MYO1A: variants seen among roughly 807,000 people sequenced by gnomAD.
MYO1A encodes unconventional myosin-Ia.
A neutral mutation model predicts 138.5 loss-of-function variants in MYO1A; 127 were observed. The observed-to-expected ratio is 0.92, with a 90% CI of 0.79 to 1.06. The LOEUF is 1.06. Ranked by LOEUF, MYO1A falls within the 50% of genes least tolerant of loss-of-function variation. The pLI is 0.00. For synonymous variants in MYO1A, 477 were observed against 497.5 expected, an observed-to-expected ratio of 0.96 and a Z score of 0.55; for missense variants, 1,211 against 1,288.8, an observed-to-expected ratio of 0.94 and a Z score of 0.92.
intron 22 of MYO1A, among the ~76,000 whole-genome samples, chr12:57,034,837 C>T (rs1369952806): frequency 2.0e-5 from 3 of 152,002 alleles, no homozygotes; most frequent in African/African-American, 4.8e-5. Context: ...GGCATGGTGG[C>T]GCATGCCTGT....
chr12:57,033,951 T>A (rs1295263205), intron 22 of MYO1A, among the ~76,000 whole-genome samples: 1 of 152,210 alleles, frequency 6.6e-6, no homozygotes, highest in Non-Finnish European at 1.5e-5. Context: ...GAGTCCCCAG[T>A]CCCTAGTCTG....
At position 57,037,882 on chromosome 12, in the gene MYO1A, T is replaced by C; in HGVS notation, c.1948A>G (p.Asn650Asp). Residue 650 changes from asparagine (N) to aspartate (D), a missense_variant, in exon 18 of 28, where the codon AAT becomes GAT. Asn to Asp is a conservative substitution (Grantham distance 23, BLOSUM62 1). Coordinates refer to ENST00000300119, the MANE Select transcript of MYO1A (RefSeq NM_005379.4). ...LLSRSTWPHW[N>D]GGDREGVEKV... The stretch of plus-strand genomic sequence containing the variant: ...ATGGGGTCTTACCGGTCTCCCCCAT[T>C]CCAGTGAGGCCAGGTGCTCCGGCTC... 1 of 1,614,102 alleles carries C rather than the reference T, an allele frequency of 6.2e-7. No individual in the cohort carries two copies. Among genetic ancestry groups the C allele is most frequent in the Non-Finnish European group, 8.5e-7 (1 of 1,180,018 alleles).
rs147849120 is a variant in MYO1A, at chr12:57,029,183, C to T, written c.2954G>A (p.Arg985Gln). Residue 985 changes from arginine (R) to glutamine (Q), a missense_variant, in exon 27 of 28, where the codon CGG becomes CAG. Physicochemically the swap from Arg to Gln is conservative, Grantham distance 43. Transcript: ENST00000300119. ...HVIELLTKMY[R>Q]AVLDATQRQL... ...CCTCTGCGTGGCATCCAGCACAGCC[C>T]GGTACATTTTGGTCAGCAGTTCAAT... 70 of 1,614,166 alleles carry T rather than the reference C, an allele frequency of 4.3e-5. 1 individual carries two copies. The Admixed American group carries it at 7.2e-4, about 17-fold the overall frequency.
intron 14 of MYO1A, 152 bp downstream of exon 14, chr12:57,041,032 T>A (rs1221888902): frequency 5.9e-6 from 4 of 677,194 alleles, no homozygotes; most frequent in Non-Finnish European, 1.1e-5. Flanking sequence ...TACTTGGTAA[T>A]GCTGGAATGA....
rs774740921 is a variant in MYO1A, at chr12:57,048,313, A to C, written c.11T>G (p.Leu4Arg). ...ATCCTCCACCCCCACAGAACCTTCC[A>C]GGAGAGGCATGTCCAGAGGGGCCAC... MPL[L>R]EGSVGVEDLV... The change falls in exon 2 of 28, where the codon CTG becomes CGG. Residue 4 changes from leucine (L) to arginine (R), a missense_variant. Coordinates refer to ENST00000300119, the MANE Select transcript of MYO1A (RefSeq NM_005379.4). 1.9e-6 allele frequency: 3 copies of C among 1,613,766 alleles called. No homozygotes were observed. The highest frequency in any genetic ancestry group is 2.7e-5 in the African/African-American group (2 of 75,062).
rs2136445300 is a variant in MYO1A at position 57,038,165 on chromosome 12, C to T, written c.1761-96G>A. On this transcript the variant is annotated intron_variant, in intron 17 of 27. Coordinates refer to ENST00000300119, the MANE Select transcript of MYO1A (RefSeq NM_005379.4). ...CCTATGCTGCACACGGTGCACTTCA[C>T]TGAAAAGTTTCAAAGAAAGTAGACA... 2 of 1,453,866 alleles carry T rather than the reference C, an allele frequency of 1.4e-6. 1 individual carries two copies. The highest frequency in any genetic ancestry group is 3.4e-5 in the Admixed American group (2 of 58,608). The allele number at this position is 1,453,866 out of a possible 1,614,324, so 90.1% of individuals were successfully genotyped here. A position where few individuals can be genotyped will look rare whatever the true frequency, so the allele number is the denominator to read the frequency against.
chr12:57,038,112 T>A, intron 17 of MYO1A, 43 bp from the exon 18 acceptor site: 1 of 1,599,688 alleles, frequency 6.3e-7, no homozygotes, highest in Non-Finnish European at 8.6e-7. Flanking sequence ...GGAGCTGACA[T>A]CATTGCCAGT....
chr12:57,044,032 G>A, intron 9 of MYO1A, 29 bp from the exon 10 acceptor site: 2 of 1,614,136 alleles, frequency 1.2e-6, no homozygotes, highest in Non-Finnish European at 1.7e-6. Context: ...ATCAAAAGCT[G>A]AACTGTTGGT....
At chr12:57,040,663 G>A (rs1443341965) in intron 14 of MYO1A, among the ~76,000 whole-genome samples, 1 of 152,188 alleles carries the variant, frequency 6.6e-6, no homozygotes, top group East Asian at 1.9e-4. Flanking sequence ...TTTGATGAGT[G>A]AGACTCTCAG....
chr12:57,029,074 G>T, intron 27 of MYO1A, 58 bp downstream of exon 27: 2 of 1,613,590 alleles, frequency 1.2e-6, no homozygotes, highest in South Asian at 2.2e-5. Flanking sequence ...TGGTCACGAT[G>T]ACCATCAGCC....
At chr12:57,036,587 C>T (rs1475379575) in intron 21 of MYO1A, among the ~76,000 whole-genome samples, 185 bp downstream of exon 21, 1 of 152,130 alleles carries the variant, frequency 6.6e-6, no homozygotes, top group Admixed American at 6.5e-5. Context: ...ATCTACCCAC[C>T]CAGACACCTC....
Position 57,044,571 on chromosome 12 carries a change from T to C in MYO1A, c.641-362A>G, listed in dbSNP as rs113438217. 7.0e-3 allele frequency among the ~76,000 whole-genome samples: 1,073 copies of C among 152,248 alleles called. 13 individuals carry two copies. The highest frequency in any genetic ancestry group is 0.024 in the African/African-American group (996 of 41,540). Reference sequence around the variant, plus strand: ...GCCTGGCTAATTTTGGTATTTTTAGTAGAGATGGGGTTTCTCTATGTTGGC... The same window carrying C: ...GCCTGGCTAATTTTGGTATTTTTAGCAGAGATGGGGTTTCTCTATGTTGGC... On this transcript the variant is annotated intron_variant, in intron 8 of 27. Coordinates refer to ENST00000300119, the MANE Select transcript of MYO1A (RefSeq NM_005379.4).
intron 19 of MYO1A, 91 bp from the exon 20 acceptor site, chr12:57,037,182 C>A (rs1159480398): frequency 1.0e-5 from 15 of 1,489,714 alleles, no homozygotes; most frequent in South Asian, 1.2e-5. Context: ...GGCTTCCCAG[C>A]CAGGCCTTAT....
chr12:57,033,071 T>C (rs1231990482), intron 22 of MYO1A, among the ~76,000 whole-genome samples: 1 of 152,104 alleles, frequency 6.6e-6, no homozygotes, highest in East Asian at 1.9e-4. Flanking sequence ...CATCCTAAAG[T>C]AGGTTATAGA....
chr12:57,046,406 T>C, intron 8 of MYO1A, 146 bp downstream of exon 8: 1 of 716,936 alleles, frequency 1.4e-6, no homozygotes, highest in South Asian at 1.5e-5. Flanking sequence ...AGGCTGAGAA[T>C]GGGAAATGCA....
chr12:57,031,158 A>G lies in MYO1A; in HGVS notation c.2366T>C (p.Leu789Pro), dbSNP rs539235938. 2.5e-6 allele frequency: 4 copies of G among 1,614,176 alleles called. No homozygotes were observed. The highest frequency in any genetic ancestry group is 1.7e-5 in the Admixed American group (1 of 60,020). The change falls in exon 23 of 28, where the codon CTG becomes CCG. Residue 789 changes from leucine to proline, a missense_variant. Coordinates refer to ENST00000300119, the MANE Select transcript of MYO1A (RefSeq NM_005379.4). ...GGATGGCAAATTGTTCTTCAGCCCCAGTAGGAATTTCTGTACCTAGTTTGG... is the reference window on the plus strand; with the variant it reads ...GGATGGCAAATTGTTCTTCAGCCCCGGTAGGAATTTCTGTACCTAGTTTGG... ...IYKSMVQKFL[L>P]GLKNNLPSTN...
At chr12:57,036,244 C>T in intron 22 of MYO1A, 63 bp downstream of exon 22, 1 of 1,527,182 alleles carries the variant, frequency 6.5e-7, no homozygotes, top group African/African-American at 1.4e-5. Context: ...TTCTCAAACC[C>T]CTCTCCCAAA....
At position 57,048,098 on chromosome 12, in the gene MYO1A, T is replaced by C. The variant is rs2031196250; in HGVS notation, c.121A>G (p.Ile41Val). 1.2e-6 allele frequency: 2 copies of C among 1,613,778 alleles called. No homozygotes were observed. The highest frequency in any genetic ancestry group is 1.7e-6 in the Non-Finnish European group (2 of 1,179,664). Residue 41 changes from isoleucine to valine, a missense_variant, in exon 3 of 28, where the codon ATT becomes GTT. Transcript: ENST00000300119. ...RYENKEIYTY[I>V]GNVVISVNPY... Reference sequence around the variant, plus strand: ...TTCACTGAGATCACCACATTCCCAATGTAGGTCTGGAGCCAGGAAGAAGGT... The same window carrying C: ...TTCACTGAGATCACCACATTCCCAACGTAGGTCTGGAGCCAGGAAGAAGGT...
At chr12:57,040,099 A>G (rs1452803521) in intron 14 of MYO1A, among the ~76,000 whole-genome samples, 1 of 152,220 alleles carries the variant, frequency 6.6e-6, no homozygotes, top group Non-Finnish European at 1.5e-5. Flanking sequence ...ATGGCTGGGA[A>G]GCATAGGTCT....
Sources: allele counts gnomAD v4.1 joint callset (sites outside exome capture counted in the v4.1 genomes callset), GRCh38; gene constraint gnomAD v4.1.1; transcripts MANE v1.5; gene names NCBI Gene and HGNC (gene_info 2026-07-23, HGNC 2026-07-21).